Variants in RALYL observed in about 807,000 individuals in gnomAD.
RALYL encodes the protein RNA-binding Raly-like protein.
In RALYL, 29 loss-of-function variants were observed where a neutral mutation model predicts 35.1. The observed-to-expected ratio is 0.83, with a 90% CI of 0.61 to 1.13. RALYL has a LOEUF of 1.13. Ranked by LOEUF, RALYL falls within the 50% of genes most tolerant of loss-of-function variation. The pLI, the probability that RALYL is intolerant of heterozygous loss-of-function variation, is 0.00. For synonymous variants in RALYL, 120 were observed against 127.6 expected, an observed-to-expected ratio of 0.94 and a Z score of 0.40; for missense variants, 359 against 360.4, an observed-to-expected ratio of 1.00 and a Z score of 0.03.
Position 84,222,487 on chromosome 8 carries a change from T to A in RALYL, c.-24+38063T>A, listed in dbSNP as rs1182437328. 2.0e-5 allele frequency among the ~76,000 whole-genome samples: 3 copies of A among 152,118 alleles called. No homozygotes were observed. The East Asian group carries it at 5.8e-4, about 29-fold the overall frequency. ...ACAGTGAGTCATGGAAGCCCAGAAA[T>A]GGATCTACCTGATCACAGACTTCTA... On this transcript the variant is annotated intron_variant, in intron 1 of 8. Transcript: ENST00000521268.
intron 2 of RALYL, among the ~76,000 whole-genome samples, chr8:84,577,699 C>G (rs1809797148): frequency 6.6e-6 from 1 of 151,494 alleles, no homozygotes; most frequent in African/African-American, 2.4e-5. Flanking sequence ...GCTTTAAGAG[C>G]TAGGGAAATG....
chr8:84,379,226 C>A (rs1857477238), intron 1 of RALYL, among the ~76,000 whole-genome samples: 1 of 151,908 alleles, frequency 6.6e-6, no homozygotes, highest in African/African-American at 2.4e-5. Flanking sequence ...TTTTAGTAAT[C>A]TTCCAATGGA....
chr8:84,570,843 T>TTA (rs1472915571), intron 2 of RALYL, among the ~76,000 whole-genome samples: 4 of 152,024 alleles, frequency 2.6e-5, no homozygotes, highest in South Asian at 2.1e-4. Context: ...ATTGAGATGA[T>TTA]TATATATATA....
chr8:84,645,007 C>T (rs900293235), intron 2 of RALYL, among the ~76,000 whole-genome samples: 1 of 152,006 alleles, frequency 6.6e-6, no homozygotes, highest in African/African-American at 2.4e-5. Flanking sequence ...CCCTCAGCCT[C>T]CCAAAATGCT....
chr8:84,469,213 G>A (rs2052287092), intron 1 of RALYL, among the ~76,000 whole-genome samples: 1 of 152,088 alleles, frequency 6.6e-6, no homozygotes, highest in Admixed American at 6.5e-5. Flanking sequence ...GAGGAGGAGA[G>A]GCTCTCTGCT....
chr8:84,201,730 T>A (rs1378204577), intron 1 of RALYL, among the ~76,000 whole-genome samples: 7 of 151,994 alleles, frequency 4.6e-5, no homozygotes, highest in African/African-American at 1.7e-4. Context: ...GACCAGCTGA[T>A]TTTTTATCTT....
intron 8 of RALYL, among the ~76,000 whole-genome samples, chr8:84,898,047 G>T (rs6985354): frequency 6.6e-6 from 1 of 152,044 alleles, no homozygotes; most frequent in South Asian, 2.1e-4. Flanking sequence ...ATGGCATTCC[G>T]CATGGAAAGA....
chr8:84,229,589 A>G (rs4740003), intron 1 of RALYL, among the ~76,000 whole-genome samples: 43,310 of 152,024 alleles, frequency 0.28, 7,188 homozygotes, highest in South Asian at 0.39. Context: ...ATTCCAGCCT[A>G]TAATAATAAT....
chr8:84,678,502 A>C (rs556721422), intron 2 of RALYL, among the ~76,000 whole-genome samples: 1 of 152,154 alleles, frequency 6.6e-6, no homozygotes, highest in South Asian at 2.1e-4. Context: ...CCTGATCTAA[A>C]ATGATCCACC....
At chr8:84,681,064 C>A (rs973083877) in intron 2 of RALYL, among the ~76,000 whole-genome samples, 1 of 151,250 alleles carries the variant, frequency 6.6e-6, no homozygotes, top group Non-Finnish European at 1.5e-5. Context: ...CAGCTTTCTA[C>A]ATATGGCTAG....
At chr8:84,575,896 G>C (rs1291564436) in intron 2 of RALYL, among the ~76,000 whole-genome samples, 1 of 151,542 alleles carries the variant, frequency 6.6e-6, no homozygotes, top group Non-Finnish European at 1.5e-5. Context: ...GGAAGCTGTG[G>C]TGGGAGGATC....
intron 1 of RALYL, among the ~76,000 whole-genome samples, chr8:84,288,229 C>A (rs1233451727): frequency 1.3e-5 from 2 of 151,674 alleles, no homozygotes; most frequent in Non-Finnish European, 2.9e-5. Flanking sequence ...TGGTTGCTTT[C>A]AAAAATCCCG....
intron 5 of RALYL, among the ~76,000 whole-genome samples, chr8:84,857,745 A>C (rs1837340810): frequency 1.3e-5 from 2 of 152,310 alleles, no homozygotes; most frequent in South Asian, 4.1e-4. Flanking sequence ...ATGACTGTAC[A>C]TATATTATGT....
chr8:84,448,010 C>A (rs1374200887), intron 1 of RALYL, among the ~76,000 whole-genome samples: 3 of 151,874 alleles, frequency 2.0e-5, no homozygotes, highest in Non-Finnish European at 4.4e-5. Flanking sequence ...AGAGAGAGAG[C>A]ACTGCCTGGT....
At chr8:84,696,434 A>G (rs1454648229) in intron 2 of RALYL, among the ~76,000 whole-genome samples, 1 of 151,808 alleles carries the variant, frequency 6.6e-6, no homozygotes. Flanking sequence ...ATTTTCCTAC[A>G]AACGTTTCTT....
intron 2 of RALYL, among the ~76,000 whole-genome samples, chr8:84,745,786 G>T (rs1319632044): frequency 2.0e-5 from 3 of 151,978 alleles, no homozygotes; most frequent in African/African-American, 7.2e-5. Flanking sequence ...TCTATCCAGT[G>T]CTTCCATCCC....
At chr8:84,371,484 A>G (rs1172742044) in intron 1 of RALYL, among the ~76,000 whole-genome samples, 1 of 151,520 alleles carries the variant, frequency 6.6e-6, no homozygotes, top group East Asian at 1.9e-4. Context: ...AAATGAAATA[A>G]TGTTTAACCT....
chr8:84,515,883 T>C (rs1409658036), intron 1 of RALYL, among the ~76,000 whole-genome samples: 3 of 152,142 alleles, frequency 2.0e-5, no homozygotes, highest in African/African-American at 7.2e-5. Context: ...GAATTTTGAC[T>C]CTCAACAAAA....
chr8:84,902,180 G>A (rs1372180301), intron 8 of RALYL, among the ~76,000 whole-genome samples: 1 of 152,124 alleles, frequency 6.6e-6, no homozygotes, highest in Non-Finnish European at 1.5e-5. Context: ...CAGGGAGCAT[G>A]ATGCTGGCAT....
Sources: allele counts gnomAD v4.1 joint callset (sites outside exome capture counted in the v4.1 genomes callset), GRCh38; gene constraint gnomAD v4.1.1; transcripts MANE v1.5; gene names NCBI Gene and HGNC (gene_info 2026-07-23, HGNC 2026-07-21).